Variants in XKR6 observed in about 807,000 individuals in gnomAD.
The protein encoded by XKR6 is XK related 6.
A neutral mutation model predicts 56.7 loss-of-function variants in XKR6; 22 were observed. The observed-to-expected ratio is 0.39, with a 90% CI of 0.28 to 0.55. The LOEUF (loss-of-function observed/expected upper bound fraction) is 0.55, where lower values mean the gene tolerates loss of function less well. Ranked by LOEUF, XKR6 falls within the 20% of genes least tolerant of loss-of-function variation. The pLI, the probability that XKR6 is intolerant of heterozygous loss-of-function variation, is 0.66. For synonymous variants in XKR6, 524 were observed against 387.8 expected (o/e 1.35, Z -4.13); for missense variants, 852 against 889.0 (o/e 0.96, Z 0.53).
intron 1 of XKR6, among the ~76,000 whole-genome samples, chr8:10,993,591 G>A (rs544777010): frequency 1.1e-4 from 17 of 152,316 alleles, no homozygotes; most frequent in Admixed American, 2.0e-4. Flanking sequence ...TACTGAGGCC[G>A]GGTGCAGAGG....
chr8:11,152,564 G>C (rs1801320175), intron 1 of XKR6, among the ~76,000 whole-genome samples: 1 of 152,304 alleles, frequency 6.6e-6, no homozygotes, highest in Middle Eastern at 3.4e-3. Context: ...TGCCCCTGAA[G>C]AACTTTCCCT....
Position 11,200,996 on chromosome 8 carries a change from G to C in XKR6, c.344C>G (p.Pro115Arg). Reference protein sequence around the residue: ...RQPPTPSAARPEPPPPQVERP... With the variant: ...RQPPTPSAARREPPPPQVERP... The stretch of plus-strand genomic sequence containing the variant: ...CTCCACCTGCGGCGGCGGCGGCTCC[G>C]GCCGCGCGGCCGAGGGCGTCGGGGG... Residue 115 changes from proline to arginine, a missense_variant, in exon 1 of 3, where the codon CCG (proline) becomes CGG (arginine). By Grantham distance (103) the Pro-to-Arg change is moderately radical. Coordinates refer to ENST00000416569, the MANE Select transcript of XKR6 (RefSeq NM_173683.4). The surrounding 1 kb of genome is among the most constrained non-coding windows in gnomAD (Gnocchi z 6.4). 1 of 1,446,872 alleles carries C rather than the reference G, an allele frequency of 6.9e-7. No individual in the cohort carries two copies. Among genetic ancestry groups the C allele is most frequent in the Non-Finnish European group, 9.1e-7 (1 of 1,099,144 alleles). 89.6% of individuals were successfully genotyped at this position (1,446,872 alleles called of 1,614,324 possible). A position where few individuals can be genotyped will look rare whatever the true frequency, so the allele number is the denominator to read the frequency against.
chr8:11,110,107 G>C (rs1339523034), intron 1 of XKR6, among the ~76,000 whole-genome samples: 1 of 152,036 alleles, frequency 6.6e-6, no homozygotes, highest in South Asian at 2.1e-4. Context: ...TGAGTAGCTG[G>C]GATTACAGGT....
chr8:10,983,145 A>G (rs1333828846), intron 1 of XKR6, among the ~76,000 whole-genome samples: 1 of 152,242 alleles, frequency 6.6e-6, no homozygotes, highest in Non-Finnish European at 1.5e-5. Flanking sequence ...CAAGGAAAAT[A>G]AAAGAGCAAA....
At chr8:11,127,805 C>CG (rs1209510845) in intron 1 of XKR6, among the ~76,000 whole-genome samples, 5 of 152,164 alleles carry the variant, frequency 3.3e-5, no homozygotes, top group East Asian at 3.9e-4. Flanking sequence ...ATGGACACTG[C>CG]GGGGGGCGCC....
intron 2 of XKR6, among the ~76,000 whole-genome samples, chr8:10,907,965 C>T (rs1318181892): frequency 6.6e-6 from 1 of 152,256 alleles, no homozygotes; most frequent in African/African-American, 2.4e-5. Context: ...ATCCACACTA[C>T]AGCAGCCAAC....
At chr8:11,054,016 C>T (rs1799619452) in intron 1 of XKR6, among the ~76,000 whole-genome samples, 1 of 152,198 alleles carries the variant, frequency 6.6e-6, no homozygotes. Flanking sequence ...GTTTTTCCTT[C>T]TTTATATTTC....
chr8:11,068,648 G>A (rs181551149), intron 1 of XKR6, among the ~76,000 whole-genome samples: 91 of 152,236 alleles, frequency 6.0e-4, no homozygotes, highest in Non-Finnish European at 1.1e-3. Flanking sequence ...TGGGCAGCGT[G>A]GGTTTCTCCT....
intron 1 of XKR6, among the ~76,000 whole-genome samples, chr8:11,072,769 G>A (rs1412721922): frequency 6.7e-6 from 1 of 148,186 alleles, no homozygotes; most frequent in Non-Finnish European, 1.5e-5. Context: ...CCACATGCTA[G>A]GCCAGGCAAG....
intron 1 of XKR6, among the ~76,000 whole-genome samples, chr8:10,958,767 C>T (rs965573546): frequency 6.6e-6 from 1 of 152,170 alleles, no homozygotes; most frequent in South Asian, 2.1e-4. Flanking sequence ...TACAGAGAAA[C>T]GATGGGCTCA....
At chr8:11,189,894 C>A (rs1026748392) in intron 1 of XKR6, among the ~76,000 whole-genome samples, 1 of 152,124 alleles carries the variant, frequency 6.6e-6, no homozygotes, top group African/African-American at 2.4e-5. Flanking sequence ...CAGTGGCTCA[C>A]GCCTGTAATC....
intron 1 of XKR6, among the ~76,000 whole-genome samples, chr8:11,065,581 T>G (rs1799955887): frequency 6.9e-6 from 1 of 145,040 alleles, no homozygotes; most frequent in Admixed American, 6.8e-5. Context: ...ACTTAATACG[T>G]TTTTTTTTTT....
chr8:10,945,279 T>A (rs1312447930), intron 1 of XKR6, among the ~76,000 whole-genome samples: 1 of 151,914 alleles, frequency 6.6e-6, no homozygotes, highest in Non-Finnish European at 1.5e-5. Flanking sequence ...AGGTCGGGAG[T>A]TCGACACCAG....
chr8:10,911,200 G>A (rs112014046), intron 2 of XKR6, among the ~76,000 whole-genome samples: 1,589 of 40,488 alleles, frequency 0.039, 23 homozygotes, highest in African/African-American at 0.11. Flanking sequence ...GAGGGTGTGC[G>A]TGTGTGTGTG....
intron 1 of XKR6, among the ~76,000 whole-genome samples, chr8:10,968,671 A>C (rs140286476): frequency 2.0e-3 from 297 of 151,894 alleles, no homozygotes; most frequent in African/African-American, 6.9e-3. Context: ...CCTCTCTCCT[A>C]CCTGACCCCA....
chr8:11,088,176 C>A (rs144247529), intron 1 of XKR6, among the ~76,000 whole-genome samples: 97 of 152,230 alleles, frequency 6.4e-4, no homozygotes, highest in African/African-American at 2.2e-3. Context: ...ACTGTGATAT[C>A]AGAAGACCAC....
At chr8:10,943,784 G>A (rs1338606140) in intron 1 of XKR6, among the ~76,000 whole-genome samples, 3 of 152,074 alleles carry the variant, frequency 2.0e-5, no homozygotes, top group Non-Finnish European at 4.4e-5. Flanking sequence ...TTACGCCAGG[G>A]CACTATGCTC....
intron 1 of XKR6, among the ~76,000 whole-genome samples, chr8:11,008,830 C>T (rs935021051): frequency 1.3e-5 from 2 of 152,058 alleles, no homozygotes; most frequent in Admixed American, 6.6e-5. Context: ...GGTTGCAGGC[C>T]CCCCCGCCCA....
At chr8:11,112,448 C>A (rs918335982) in intron 1 of XKR6, among the ~76,000 whole-genome samples, 10 of 151,816 alleles carry the variant, frequency 6.6e-5, no homozygotes, top group Admixed American at 1.3e-4. Context: ...CAAAAGAAAT[C>A]AAAATTTCCA....
Sources: gnomAD v4.1 joint callset for allele counts (sites outside exome capture counted in the v4.1 genomes callset) on GRCh38, gnomAD v4.1.1 for gene constraint, Gnocchi (gnomAD v3.1) non-coding constraint, MANE v1.5 for transcripts, NCBI Gene and HGNC (gene_info 2026-07-23, HGNC 2026-07-21) for gene names.